Variants in LCLAT1 observed in about 807,000 individuals in gnomAD.
LCLAT1 encodes the protein 1-AGP acyltransferase 8.
Under a neutral mutation model 30.7 loss-of-function variants are expected in LCLAT1, and 11 were observed. That is an observed-to-expected ratio of 0.36 (90% CI 0.23 to 0.59). The LOEUF is 0.59. Among genes scored for constraint, LCLAT1 ranks in the 20% least tolerant of loss-of-function variants. LCLAT1 has a pLI of 0.77. For synonymous variants in LCLAT1, 155 were observed against 151.3 expected (o/e 1.02, Z -0.18); for missense variants, 402 against 458.6 (o/e 0.88, Z 1.13).
intron 5 of LCLAT1, among the ~76,000 whole-genome samples, chr2:30,603,295 C>T (rs75487059): frequency 5.9e-5 from 9 of 151,762 alleles, no homozygotes; most frequent in African/African-American, 2.2e-4. Flanking sequence ...AAAAACCTAG[C>T]GTGTCTAGAG....
At chr2:30,602,154 G>T (rs1043790191) in intron 5 of LCLAT1, among the ~76,000 whole-genome samples, 1 of 152,138 alleles carries the variant, frequency 6.6e-6, no homozygotes, top group Non-Finnish European at 1.5e-5. Flanking sequence ...TGAAAGACCT[G>T]TAGGGCTTTC....
At chr2:30,597,786 T>TAAAC (rs1353594872) in intron 5 of LCLAT1, among the ~76,000 whole-genome samples, 2 of 152,200 alleles carry the variant, frequency 1.3e-5, no homozygotes, top group African/African-American at 4.8e-5. Context: ...GAGTTTGTCA[T>TAAAC]AAACAGCTAT....
intron 1 of LCLAT1, among the ~76,000 whole-genome samples, chr2:30,491,637 G>T (rs1284669605): frequency 6.6e-6 from 1 of 152,158 alleles, no homozygotes; most frequent in Admixed American, 6.5e-5. Flanking sequence ...GGTGGCCTTA[G>T]TACCAGCTTG....
chr2:30,547,264 G>A (rs543817769), intron 3 of LCLAT1, among the ~76,000 whole-genome samples: 1 of 152,150 alleles, frequency 6.6e-6, no homozygotes, highest in Non-Finnish European at 1.5e-5. Flanking sequence ...TACTGTCACA[G>A]CAAACTTTCT....
chr2:30,511,555 C>A (rs556756886), intron 1 of LCLAT1, among the ~76,000 whole-genome samples: 36 of 152,358 alleles, frequency 2.4e-4, no homozygotes, highest in Admixed American at 7.8e-4. Flanking sequence ...GGGAACATTT[C>A]CATCATTGCA....
At chr2:30,556,038 C>G (rs1265380492) in intron 3 of LCLAT1, among the ~76,000 whole-genome samples, 4 of 151,884 alleles carry the variant, frequency 2.6e-5, no homozygotes, top group African/African-American at 9.7e-5. Context: ...TTGTGATCCG[C>G]CCACCTCGGC....
intron 1 of LCLAT1, among the ~76,000 whole-genome samples, chr2:30,457,595 C>A (rs1345985004): frequency 6.6e-6 from 1 of 152,152 alleles, no homozygotes; most frequent in Non-Finnish European, 1.5e-5. Flanking sequence ...AAATTCATTT[C>A]AGTATTTCCC....
At chr2:30,622,717 G>A (rs902226308) in intron 5 of LCLAT1, among the ~76,000 whole-genome samples, 1 of 152,190 alleles carries the variant, frequency 6.6e-6, no homozygotes, top group Non-Finnish European at 1.5e-5. Flanking sequence ...AGTCACTGCA[G>A]TTCAGCTCTC....
In LCLAT1 at chr2:30,568,118, A is replaced by G. The variant is rs752840109; in HGVS notation, c.570A>G (p.Glu190=). Residue 190 remains glutamate, a synonymous_variant, in exon 5 of 6, where the codon GAA becomes GAG. Transcript: ENST00000379509. ...FAEKNGLQKY[E]YVLHPRTTGF... ...AAAAAAATGGACTTCAGAAATATGAATATGTTTTACATCCAAGAACTACAG... is the reference window on the plus strand; with the variant it reads ...AAAAAAATGGACTTCAGAAATATGAGTATGTTTTACATCCAAGAACTACAG... 12 of 1,610,020 alleles carry G rather than the reference A, an allele frequency of 7.5e-6. No homozygotes were observed. Among genetic ancestry groups the G allele is most frequent in the East Asian group, 2.2e-5 (1 of 44,724 alleles).
intron 1 of LCLAT1, among the ~76,000 whole-genome samples, chr2:30,515,371 C>G (rs1685130579): frequency 1.3e-5 from 2 of 152,214 alleles, no homozygotes; most frequent in Non-Finnish European, 2.9e-5. Flanking sequence ...TAACACTTGA[C>G]TTGTTATGTG....
rs770746852 is a variant in LCLAT1 at position 30,448,620 on chromosome 2, T to C, written c.-5+1237T>C. ...TCTGTGAAAGCTAGGCTTCTCCTAC[T>C]TTTTAATTTGAACACATGGTCGTCT... is the stretch of plus-strand genomic sequence containing the variant. On this transcript the variant is annotated intron_variant, in intron 1 of 5. Transcript: ENST00000379509. 5.3e-4 allele frequency among the ~76,000 whole-genome samples: 80 copies of C among 152,348 alleles called. 1 individual carries two copies. The highest frequency in any genetic ancestry group is 6.2e-4 in the Non-Finnish European group (42 of 68,022).
At chr2:30,512,940 G>T (rs542194161) in intron 1 of LCLAT1, among the ~76,000 whole-genome samples, 1 of 152,206 alleles carries the variant, frequency 6.6e-6, no homozygotes, top group Non-Finnish European at 1.5e-5. Flanking sequence ...GCGTGATAGA[G>T]TTCTTGAAAT....
chr2:30,633,822 A>G lies in LCLAT1; in HGVS notation c.629-6295A>G, dbSNP rs1668885560. ...TTGTGTTATTCTGTCATTGAACTAT[A>G]TAATTGGATCTGATACTTAGGCATG... On this transcript the variant is annotated intron_variant, in intron 5 of 5. Transcript: ENST00000379509. Among the ~76,000 whole-genome samples, 4 of 152,264 alleles carry G rather than the reference A, an allele frequency of 2.6e-5. No individual in the cohort carries two copies. In the South Asian group the frequency reaches 8.3e-4, roughly 31 times the overall value.
intron 1 of LCLAT1, among the ~76,000 whole-genome samples, chr2:30,454,328 T>A (rs1346886603): frequency 6.6e-6 from 1 of 152,264 alleles, no homozygotes; most frequent in East Asian, 1.9e-4. Flanking sequence ...ATTGTTTGTG[T>A]TATAATCATA....
At chr2:30,551,692 C>G (rs1572612913) in intron 3 of LCLAT1, among the ~76,000 whole-genome samples, 2 of 152,282 alleles carry the variant, frequency 1.3e-5, no homozygotes, top group South Asian at 4.1e-4. Flanking sequence ...GTTTCCTAGC[C>G]TTTTCTAGCT....
In LCLAT1 at chr2:30,540,037, G is replaced by A. The variant is rs1005359284; in HGVS notation, c.364+6723G>A. Among the ~76,000 whole-genome samples, 5 of 152,028 alleles carry A rather than the reference G, an allele frequency of 3.3e-5. No individual in the cohort carries two copies. The South Asian group carries it at 1.0e-3, about 32-fold the overall frequency. ...AATTTTTATGTATTATAACTAACAG[G>A]TACATTGTACAAAATCAAAAGCTAC... On this transcript the variant is annotated intron_variant, in intron 3 of 5. Transcript: ENST00000379509.
At chr2:30,554,840 A>G (rs2148429036) in intron 3 of LCLAT1, among the ~76,000 whole-genome samples, 2 of 152,346 alleles carry the variant, frequency 1.3e-5, no homozygotes, top group Non-Finnish European at 2.9e-5. Flanking sequence ...AAAGTTGTCA[A>G]ATGGCAAAAG....
chr2:30,600,997 T>TC (rs1280489043), intron 5 of LCLAT1, among the ~76,000 whole-genome samples: 4 of 152,158 alleles, frequency 2.6e-5, no homozygotes, highest in Non-Finnish European at 5.9e-5. Context: ...AATTCTTTTT[T>TC]CTCTAATCTT....
At chr2:30,511,304 C>T (rs543428838) in intron 1 of LCLAT1, among the ~76,000 whole-genome samples, 34 of 152,226 alleles carry the variant, frequency 2.2e-4, no homozygotes, top group Admixed American at 7.8e-4. Context: ...CATGAGTCAC[C>T]GCGCCTGGCC....
Sources: gnomAD v4.1 joint callset for allele counts (sites outside exome capture counted in the v4.1 genomes callset) on GRCh38, gnomAD v4.1.1 for gene constraint, MANE v1.5 for transcripts, NCBI Gene and HGNC (gene_info 2026-07-23, HGNC 2026-07-21) for gene names.